The following SPHKAP variants were observed in gnomAD, a reference collection of about 807,000 sequenced individuals.
The protein encoded by SPHKAP is SPHK1 interactor, AKAP domain containing.
SPHKAP carries 67 observed loss-of-function variants against 137.5 expected under a neutral mutation model. That is an observed-to-expected ratio of 0.49 (90% CI 0.40 to 0.60). SPHKAP has a LOEUF of 0.60. Among genes scored for constraint, SPHKAP ranks in the 20% least tolerant of loss-of-function variants. SPHKAP has a pLI of 0.00. For synonymous variants in SPHKAP, 813 were observed against 785.3 expected (o/e 1.04, Z -0.59); for missense variants, 2,097 against 2,069.3 (o/e 1.01, Z -0.26).
Position 228,025,845 on chromosome 2 carries a change from C to A in SPHKAP, c.307-317G>T, listed in dbSNP as rs570331009. The A allele has an allele frequency of 2.5e-4, 244 of 984,016 alleles. 1 individual carries two copies. The South Asian group carries it at 0.01, about 41-fold the overall frequency. The allele number at this position is 984,016 out of a possible 1,614,324, so 61.0% of individuals were successfully genotyped here. On this transcript the variant is annotated intron_variant, in intron 4 of 11. Transcript: ENST00000392056. The stretch of plus-strand genomic sequence containing the variant: ...TAAACAGTAACTTGGAAAAATTTTC[C>A]CTTTTAAGACCTTGCATAAAACATT...
At chr2:228,174,474 G>A (rs1700680568) in intron 1 of SPHKAP, among the ~76,000 whole-genome samples, 1 of 152,164 alleles carries the variant, frequency 6.6e-6, no homozygotes, top group Admixed American at 6.5e-5. Context: ...TAGACTTTGA[G>A]TTTGAAATCC....
chr2:228,091,168 TA>T (rs1697716990), intron 3 of SPHKAP, among the ~76,000 whole-genome samples: 1 of 151,802 alleles, frequency 6.6e-6, no homozygotes, highest in African/African-American at 2.4e-5. Context: ...AAAAACAGAT[TA>T]AAAATAAAAA....
In SPHKAP at chr2:228,035,742, T is replaced by A. The variant is rs1049811788; in HGVS notation, c.247-8199A>T. Reference sequence around the variant, plus strand: ...AAATAATGCCACATATCTACAACCATCTGATCTTTGACAAACCTGACAAAA... The same window carrying A: ...AAATAATGCCACATATCTACAACCAACTGATCTTTGACAAACCTGACAAAA... On this transcript the variant is annotated intron_variant, in intron 3 of 11. Coordinates refer to ENST00000392056, the MANE Select transcript of SPHKAP (RefSeq NM_001142644.2). Among the ~76,000 whole-genome samples the A allele has an allele frequency of 1.5e-3, 235 of 152,172 alleles. 1 individual carries two copies. The highest frequency in any genetic ancestry group is 1.6e-3 in the Admixed American group (25 of 15,288).
intron 3 of SPHKAP, among the ~76,000 whole-genome samples, chr2:228,074,518 C>T (rs1331326750): frequency 2.0e-5 from 3 of 152,180 alleles, no homozygotes; most frequent in Non-Finnish European, 4.4e-5. Context: ...AATCAGATCT[C>T]GTGAGAACCA....
chr2:228,007,884 TCTCAC>T (rs1694203568), intron 7 of SPHKAP, among the ~76,000 whole-genome samples: 1 of 152,144 alleles, frequency 6.6e-6, no homozygotes, highest in South Asian at 2.1e-4. Flanking sequence ...TGGACCCTTT[TCTCAC>T]CTCTTATATA....
chr2:228,043,899 A>G (rs904104512), intron 3 of SPHKAP, among the ~76,000 whole-genome samples: 4 of 152,022 alleles, frequency 2.6e-5, no homozygotes, highest in African/African-American at 9.7e-5. Flanking sequence ...AAAGTCATAC[A>G]CATTTGCACA....
chr2:228,073,397 C>A (rs1053320562), intron 3 of SPHKAP, among the ~76,000 whole-genome samples: 1 of 152,114 alleles, frequency 6.6e-6, no homozygotes, highest in Non-Finnish European at 1.5e-5. Context: ...TAGGCAGAAA[C>A]GGTCTAGAAA....
intron 2 of SPHKAP, among the ~76,000 whole-genome samples, chr2:228,114,137 G>C (rs961512425): frequency 1.3e-5 from 2 of 152,116 alleles, no homozygotes; most frequent in Non-Finnish European, 2.9e-5. Flanking sequence ...GCTATTTTTA[G>C]TTATGGACTT....
chr2:228,116,947 C>A (rs565227800), intron 2 of SPHKAP, among the ~76,000 whole-genome samples: 4 of 152,218 alleles, frequency 2.6e-5, no homozygotes, highest in African/African-American at 4.8e-5. Context: ...TATCATTCCA[C>A]CTGCTCCCTG....
intron 3 of SPHKAP, among the ~76,000 whole-genome samples, chr2:228,030,695 T>G (rs991111957): frequency 6.6e-6 from 1 of 151,460 alleles, no homozygotes; most frequent in Non-Finnish European, 1.5e-5. Flanking sequence ...GAATATGATA[T>G]CTAATTGACT....
rs1167308953 is a variant in SPHKAP, at chr2:228,019,545, C to G, written c.1309G>C (p.Asp437His). 1 of 1,614,196 alleles carries G rather than the reference C, an allele frequency of 6.2e-7. No homozygotes were observed. Among genetic ancestry groups the G allele is most frequent in the Admixed American group, 1.7e-5 (1 of 60,030 alleles). ...SLLPSCYSTK[D>H]TVVSRSWNEL... ...TTCCATGACCGAGAAACCACTGTAT[C>G]TTTTGTGGAATAGCAACTGGGAAGC... The change falls in exon 7 of 12, where the codon GAT (aspartate) becomes CAT (histidine). Residue 437 changes from aspartate (D) to histidine (H), a missense_variant. By Grantham distance (81) the Asp-to-His change is moderately conservative. Coordinates refer to ENST00000392056, the MANE Select transcript of SPHKAP (RefSeq NM_001142644.2).
intron 1 of SPHKAP, among the ~76,000 whole-genome samples, chr2:228,168,316 A>C (rs1353188176): frequency 6.6e-6 from 1 of 152,144 alleles, no homozygotes. Flanking sequence ...GCACTTTACT[A>C]TGCTCTGCAG....
intron 7 of SPHKAP, among the ~76,000 whole-genome samples, chr2:228,008,127 C>T (rs1694211915): frequency 6.6e-6 from 1 of 151,994 alleles, no homozygotes; most frequent in South Asian, 2.1e-4. Flanking sequence ...TGTGGCTTAT[C>T]TCTTCTCATT....
At chr2:228,015,465 TTTCTAG>T (rs993518725) in intron 7 of SPHKAP, among the ~76,000 whole-genome samples, 4 of 152,162 alleles carry the variant, frequency 2.6e-5, no homozygotes, top group African/African-American at 9.7e-5. Context: ...TCAAATGGTA[TTTCTAG>T]TTCTAGATCC....
chr2:228,023,828 A>G (rs1309679538), intron 5 of SPHKAP, among the ~76,000 whole-genome samples: 1 of 152,202 alleles, frequency 6.6e-6, no homozygotes, highest in Non-Finnish European at 1.5e-5. Flanking sequence ...ATGTGACTTA[A>G]GCCTGGCCAA....
chr2:228,067,290 C>G (rs1020845211), intron 3 of SPHKAP, among the ~76,000 whole-genome samples: 1 of 152,232 alleles, frequency 6.6e-6, no homozygotes, highest in African/African-American at 2.4e-5. Context: ...GATGACTGCT[C>G]TCAATTGCAA....
At chr2:227,988,739 C>T (rs1574710903) in intron 11 of SPHKAP, among the ~76,000 whole-genome samples, 1 of 152,150 alleles carries the variant, frequency 6.6e-6, no homozygotes, top group East Asian at 1.9e-4. Context: ...GTTTTTCCCT[C>T]CTCTACATAG....
chr2:228,046,135 A>G (rs12476552), intron 3 of SPHKAP, among the ~76,000 whole-genome samples: 151,828 of 152,202 alleles, frequency 1, 75,727 homozygotes, highest in Middle Eastern at 1. Flanking sequence ...TAATTAGATT[A>G]CAGTAATCAG....
At chr2:228,129,244 G>A (rs1699173083) in intron 2 of SPHKAP, among the ~76,000 whole-genome samples, 1 of 152,304 alleles carries the variant, frequency 6.6e-6, no homozygotes, top group Non-Finnish European at 1.5e-5. Flanking sequence ...AAGTGAGCAC[G>A]TTCTGTTGGA....
Sources: gnomAD v4.1 joint callset for allele counts (sites outside exome capture counted in the v4.1 genomes callset) on GRCh38, gnomAD v4.1.1 for gene constraint, MANE v1.5 for transcripts, NCBI Gene and HGNC (gene_info 2026-07-23, HGNC 2026-07-21) for gene names.